KIF13A: variants seen among roughly 807,000 people sequenced by gnomAD.
The protein encoded by KIF13A is kinesin family member 13A.
A neutral mutation model predicts 212.2 loss-of-function variants in KIF13A; 79 were observed. The ratio of observed to expected loss-of-function variants is 0.37; its 90% CI spans 0.31 to 0.45. KIF13A has a LOEUF of 0.45. Among genes scored for constraint, KIF13A ranks in the 20% least tolerant of loss-of-function variants. The pLI is 1.00. For missense variants in KIF13A, 1,901 were observed against 2,209.0 expected, an observed-to-expected ratio of 0.86 and a Z score of 2.79; for synonymous variants, 789 against 808.6, an observed-to-expected ratio of 0.98 and a Z score of 0.41.
In KIF13A at chr6:17,777,664, G is replaced by A. The variant is rs147679061; in HGVS notation, c.4093-310C>T. On this transcript the variant is annotated intron_variant, in intron 33 of 38. Coordinates refer to ENST00000259711, the MANE Select transcript of KIF13A (RefSeq NM_022113.6). This position sits in a 1 kb window ranked among gnomAD's most constrained non-coding sequence, Gnocchi z 4.4. ...CTCCCAAAGTGTTAGGATTACAGGC[G>A]TGAGCCACCGCACCCGGCCATTACT... 0.026 allele frequency among the ~76,000 whole-genome samples: 3,970 copies of A among 152,192 alleles called. 77 individuals carry two copies. Among genetic ancestry groups the A allele is most frequent in the Non-Finnish European group, 0.04 (2,735 of 68,014 alleles).
chr6:17,862,778 C>G (rs547361224), intron 4 of KIF13A, among the ~76,000 whole-genome samples: 1 of 152,248 alleles, frequency 6.6e-6, no homozygotes, highest in South Asian at 2.1e-4. Context: ...GAAATCCCAT[C>G]TCTACTAAAA....
At chr6:17,942,258 T>C (rs1777018590) in intron 2 of KIF13A, among the ~76,000 whole-genome samples, 2 of 151,858 alleles carry the variant, frequency 1.3e-5, no homozygotes, top group Non-Finnish European at 2.9e-5. Context: ...ACCATGATCA[T>C]GCCACTGCAC....
chr6:17,987,372 C>T lies in KIF13A; in HGVS notation c.55+37G>A. On this transcript the variant is annotated intron_variant, in intron 1 of 38. Transcript: ENST00000259711. This position sits in a 1 kb window ranked among gnomAD's most constrained non-coding sequence, Gnocchi z 7.7. ...TTTCTAAAGTTGCCCCCGCCCTCAG[C>T]CCGAGCAGAAATAAAAAAGAGCGGA... The T allele has an allele frequency of 7.6e-7, 1 of 1,323,522 alleles. No individual in the cohort carries two copies. The highest frequency in any genetic ancestry group is 1.0e-6 in the Non-Finnish European group (1 of 1,004,812). 82.0% of individuals were successfully genotyped at this position (1,323,522 alleles called of 1,614,324 possible).
chr6:17,980,893 A>C (rs1190084171), intron 2 of KIF13A, among the ~76,000 whole-genome samples: 1 of 152,192 alleles, frequency 6.6e-6, no homozygotes, highest in African/African-American at 2.4e-5. Context: ...AAGCAGAGAA[A>C]GAGAACAAAG....
chr6:17,955,546 G>A (rs1778282972), intron 2 of KIF13A, among the ~76,000 whole-genome samples: 1 of 152,138 alleles, frequency 6.6e-6, no homozygotes, highest in Non-Finnish European at 1.5e-5. Context: ...GTGCCCATAA[G>A]ACAATGTGCA....
At chr6:17,932,682 C>T (rs932561843) in intron 2 of KIF13A, among the ~76,000 whole-genome samples, 2 of 152,090 alleles carry the variant, frequency 1.3e-5, no homozygotes, top group East Asian at 3.9e-4. Flanking sequence ...CACAGCACAG[C>T]ACTACTGTAC....
intron 2 of KIF13A, among the ~76,000 whole-genome samples, chr6:17,969,635 C>T (rs1779630203): frequency 6.6e-6 from 1 of 152,094 alleles, no homozygotes; most frequent in African/African-American, 2.4e-5. Context: ...GTTTACCATC[C>T]TGGAGAGGAT....
chr6:17,869,119 G>T (rs1769763870), intron 4 of KIF13A, among the ~76,000 whole-genome samples: 1 of 150,988 alleles, frequency 6.6e-6, no homozygotes, highest in Non-Finnish European at 1.5e-5. Context: ...AAGTCCACTG[G>T]AACAGCTGTG....
At chr6:17,937,103 G>C (rs1438814381) in intron 2 of KIF13A, among the ~76,000 whole-genome samples, 1 of 152,148 alleles carries the variant, frequency 6.6e-6, no homozygotes, top group Non-Finnish European at 1.5e-5. Context: ...CCTGAGCCTG[G>C]GGAAGTTGAG....
chr6:17,986,797 G>A (rs962188447), intron 2 of KIF13A, among the ~76,000 whole-genome samples: 1 of 152,238 alleles, frequency 6.6e-6, no homozygotes, highest in Admixed American at 6.5e-5. Context: ...CTCCCTCCCG[G>A]GTGCCTCGCA....
Position 17,919,797 on chromosome 6 carries a change from G to A in KIF13A, c.147-21617C>T, listed in dbSNP as rs1232736460. Among the ~76,000 whole-genome samples the A allele has an allele frequency of 6.6e-6, 1 of 152,204 alleles. No homozygotes were observed. Among genetic ancestry groups the A allele is most frequent in the African/African-American group, 2.4e-5 (1 of 41,448 alleles). Reference sequence around the variant, plus strand: ...CAACCCAAGCCCCTTTCACCATGTGGAAAATAATGGATGCTCATGATGACA... The same window carrying A: ...CAACCCAAGCCCCTTTCACCATGTGAAAAATAATGGATGCTCATGATGACA... On this transcript the variant is annotated intron_variant, in intron 2 of 38. Transcript: ENST00000259711. This position sits in a 1 kb window ranked among gnomAD's most constrained non-coding sequence, Gnocchi z 4.1.
At chr6:17,881,482 G>A (rs1771055754) in intron 3 of KIF13A, 1 of 430,346 alleles carries the variant, frequency 2.3e-6, no homozygotes, top group Non-Finnish European at 4.5e-6. Context: ...GGCTTATGAG[G>A]TCAGGAGATC....
chr6:17,789,731 TA>T lies in KIF13A; in HGVS notation c.3261+140del. 1.6e-6 allele frequency: 1 copy of T among 632,520 alleles called. No homozygotes were observed. The highest frequency in any genetic ancestry group is 2.8e-6 in the Non-Finnish European group (1 of 357,510). The allele number at this position is 632,520 out of a possible 1,614,324, so 39.2% of individuals were successfully genotyped here. A position where few individuals can be genotyped will look rare whatever the true frequency, so the allele number is the denominator to read the frequency against. On this transcript the variant is annotated intron_variant, in intron 26 of 38. Coordinates refer to ENST00000259711, the MANE Select transcript of KIF13A (RefSeq NM_022113.6). The surrounding 1 kb of genome is among the most constrained non-coding windows in gnomAD (Gnocchi z 4.8). ...AAATAATATTGTGTTTGAATACATATAAAGCAAATCAAAAGCAAGTGAAAAA... is the reference window on the plus strand; with the variant it reads ...AAATAATATTGTGTTTGAATACATATAAGCAAATCAAAAGCAAGTGAAAAA...
rs138606581 is a variant in KIF13A at position 17,860,389 on chromosome 6, A to T, written c.221-4267T>A. ...TTTTTAGTAGAGACAGGGTTTCACC[A>T]TGTTGGCCAGGCTGGTCTCGAACTC... On this transcript the variant is annotated intron_variant, in intron 4 of 38. Coordinates refer to ENST00000259711, the MANE Select transcript of KIF13A (RefSeq NM_022113.6). 8.3e-3 allele frequency among the ~76,000 whole-genome samples: 1,268 copies of T among 152,038 alleles called. 15 individuals are homozygous for T. The highest frequency in any genetic ancestry group is 0.027 in the African/African-American group (1,126 of 41,460).
At chr6:17,763,113 C>G (rs11965090), downstream of KIF13A, among the ~76,000 whole-genome samples, 6,356 of 152,226 alleles carry the variant, frequency 0.042, 462 homozygotes, top group African/African-American at 0.15. Flanking sequence ...TGCTCAGAAG[C>G]AGAACATCTC....
chr6:17,859,831 T>C (rs543903871), intron 4 of KIF13A, among the ~76,000 whole-genome samples: 80 of 151,822 alleles, frequency 5.3e-4, no homozygotes, highest in African/African-American at 1.9e-3. Flanking sequence ...GAGACGAGGT[T>C]TCACCATATT....
chr6:17,845,934 G>C (rs952425063), intron 9 of KIF13A, among the ~76,000 whole-genome samples: 2 of 152,016 alleles, frequency 1.3e-5, no homozygotes, highest in Non-Finnish European at 2.9e-5. Context: ...GTCCCTGACA[G>C]GCCTGCTTAA....
Position 17,816,344 on chromosome 6 carries a change from T to C in KIF13A, c.2000+676A>G, listed in dbSNP as rs1194457899. On this transcript the variant is annotated intron_variant, in intron 17 of 38. Transcript: ENST00000259711. This position sits in a 1 kb window ranked among gnomAD's most constrained non-coding sequence, Gnocchi z 4.3. ...TAAGCCTCCCAAGTAGCTGGGATTA[T>C]AGGCACCAGCTACCATGCCTGGCTA... 6.6e-6 allele frequency among the ~76,000 whole-genome samples: 1 copy of C among 152,120 alleles called. No individual in the cohort carries two copies. Among genetic ancestry groups the C allele is most frequent in the African/African-American group, 2.4e-5 (1 of 41,440 alleles).
Position 17,837,084 on chromosome 6 carries a change from A to C in KIF13A, c.949T>G (p.Leu317Val), listed in dbSNP as rs140191648. ...SVLTWLLKDNLGGNSQTSMIA... is the reference protein window; with the variant it reads ...SVLTWLLKDNVGGNSQTSMIA... ...ATAGAGGTTTGGCTGTTGCCCCCCAAGTTGTCCTGCCAAGTATTTCAAACA... is the reference window on the plus strand; with the variant it reads ...ATAGAGGTTTGGCTGTTGCCCCCCACGTTGTCCTGCCAAGTATTTCAAACA... Residue 317 changes from leucine to valine, a missense_variant, in exon 11 of 39, where the codon TTG becomes GTG. Physicochemically the swap from Leu to Val is conservative, Grantham distance 32. Around this residue, in one of 5 missense-constraint regions of KIF13A, gnomAD observed 506 missense variants for 637.4 expected, o/e 0.79. Transcript: ENST00000259711. This position sits in a 1 kb window ranked among gnomAD's most constrained non-coding sequence, Gnocchi z 5.4. 6.2e-7 allele frequency: 1 copy of C among 1,613,678 alleles called. No homozygotes were observed.
Sources: gnomAD v4.1 joint callset for allele counts (sites outside exome capture counted in the v4.1 genomes callset) on GRCh38, gnomAD v4.1.1 for gene constraint, gnomAD v4.1.1 regional missense constraint, Gnocchi (gnomAD v3.1) non-coding constraint, MANE v1.5 for transcripts, NCBI Gene and HGNC (gene_info 2026-07-23, HGNC 2026-07-21) for gene names.